NEK11: variants seen among roughly 807,000 people sequenced by gnomAD.
NEK11 encodes the protein serine/threonine-protein kinase Nek11.
In NEK11, 72 loss-of-function variants were observed where a neutral mutation model predicts 80.7. That is an observed-to-expected ratio of 0.89 (90% CI 0.74 to 1.08). The LOEUF is 1.08. Among genes scored for constraint, NEK11 ranks in the 50% least tolerant of loss-of-function variants. NEK11 has a pLI of 0.00. For missense variants in NEK11, 764 were observed against 763.6 expected (o/e 1.00, Z -0.01); for synonymous variants, 251 against 260.7 (o/e 0.96, Z 0.36).
chr3:131,157,461 C>T (rs968662593), intron 10 of NEK11, among the ~76,000 whole-genome samples: 9 of 152,016 alleles, frequency 5.9e-5, no homozygotes, highest in Non-Finnish European at 1.2e-4. Context: ...TTAATCTGTG[C>T]GATTAACCAC....
Position 131,250,538 on chromosome 3 carries a change from G to A in NEK11, c.1621+7042G>A, listed in dbSNP as rs7611022. On this transcript the variant is annotated intron_variant, in intron 16 of 17. Transcript: ENST00000383366. The stretch of plus-strand genomic sequence containing the variant: ...CTTAGGAAGTTCCTAGAGGATATGC[G>A]TCATCAAACCTAAGAGTCAATCAAG... Among the ~76,000 whole-genome samples, 1,274 of 152,046 alleles carry A rather than the reference G, an allele frequency of 8.4e-3. 16 individuals carry two copies. The highest frequency in any genetic ancestry group is 0.025 in the African/African-American group (1,037 of 41,486).
chr3:131,221,194 G>A (rs532838090), intron 14 of NEK11, among the ~76,000 whole-genome samples: 44 of 152,144 alleles, frequency 2.9e-4, no homozygotes, highest in Non-Finnish European at 5.4e-4. Context: ...GGATACCATG[G>A]TAAGCAGGAT....
At chr3:131,140,655 G>T (rs188263219) in intron 7 of NEK11, among the ~76,000 whole-genome samples, 3 of 152,240 alleles carry the variant, frequency 2.0e-5, no homozygotes, top group Admixed American at 6.5e-5. Context: ...ATGACAATCT[G>T]GCAGTGTTTG....
intron 7 of NEK11, among the ~76,000 whole-genome samples, chr3:131,136,455 A>C (rs915407485): frequency 6.6e-6 from 1 of 152,074 alleles, no homozygotes; most frequent in South Asian, 2.1e-4. Flanking sequence ...ATTTTTTTTT[A>C]GGATTAGAAA....
chr3:131,323,508 CCT>C (rs1369333982), intron 17 of NEK11, among the ~76,000 whole-genome samples: 2 of 152,222 alleles, frequency 1.3e-5, no homozygotes, highest in Admixed American at 6.5e-5. Flanking sequence ...CCCCCATCTT[CCT>C]CTCTTTCTGG....
At chr3:131,289,257 A>G (rs1372451584) in intron 17 of NEK11, among the ~76,000 whole-genome samples, 1 of 152,110 alleles carries the variant, frequency 6.6e-6, no homozygotes, top group Non-Finnish European at 1.5e-5. Context: ...TTCTTCTTAT[A>G]AGGACACCAG....
intron 7 of NEK11, among the ~76,000 whole-genome samples, chr3:131,146,396 C>A (rs977037769): frequency 4.6e-5 from 7 of 152,032 alleles, no homozygotes; most frequent in African/African-American, 1.7e-4. Flanking sequence ...TGACATGGTA[C>A]CTTTCTGGGC....
chr3:131,172,525 T>C (rs949850085), intron 14 of NEK11, among the ~76,000 whole-genome samples: 2 of 152,250 alleles, frequency 1.3e-5, no homozygotes, highest in African/African-American at 4.8e-5. Context: ...AGCCATCTTG[T>C]AACAGACATT....
intron 4 of NEK11, among the ~76,000 whole-genome samples, chr3:131,094,756 A>T (rs2077198875): frequency 6.6e-6 from 1 of 152,130 alleles, no homozygotes; most frequent in Non-Finnish European, 1.5e-5. Flanking sequence ...TATTCAAATG[A>T]TCCAGCAGGT....
At chr3:131,162,339 A>C in intron 10 of NEK11, 69 bp from the exon 11 acceptor site, 14 of 1,565,446 alleles carry the variant, frequency 8.9e-6, no homozygotes, top group Non-Finnish European at 1.2e-5. Context: ...TACTTTTATA[A>C]AATATTTGTT....
intron 14 of NEK11, among the ~76,000 whole-genome samples, chr3:131,206,111 C>T (rs1333847875): frequency 6.6e-6 from 1 of 152,150 alleles, no homozygotes; most frequent in African/African-American, 2.4e-5. Context: ...AAGCCTTGTA[C>T]AGGCACCACA....
chr3:131,131,692 T>C (rs1294297227), intron 5 of NEK11, among the ~76,000 whole-genome samples: 1 of 152,090 alleles, frequency 6.6e-6, no homozygotes, highest in East Asian at 1.9e-4. Flanking sequence ...ATATTCTCTA[T>C]TGGTTTCTTG....
chr3:131,095,282 T>A (rs1043034644), intron 4 of NEK11, among the ~76,000 whole-genome samples: 9 of 152,122 alleles, frequency 5.9e-5, no homozygotes, highest in African/African-American at 2.2e-4. Context: ...TTCTAGAAAT[T>A]CTTATCTAAT....
intron 3 of NEK11, among the ~76,000 whole-genome samples, chr3:131,031,837 A>C (rs2064900117): frequency 6.6e-6 from 1 of 152,244 alleles, no homozygotes; most frequent in African/African-American, 2.4e-5. Context: ...CAGAAGGTCT[A>C]GTCCACAATC....
At chr3:131,312,130 G>A (rs2096788167) in intron 17 of NEK11, among the ~76,000 whole-genome samples, 2 of 152,224 alleles carry the variant, frequency 1.3e-5, no homozygotes, top group South Asian at 4.1e-4. Context: ...GGAGTTGGAT[G>A]AGGATGTGTC....
chr3:131,208,480 G>GT (rs2094510682), intron 14 of NEK11, among the ~76,000 whole-genome samples: 3 of 152,268 alleles, frequency 2.0e-5, no homozygotes, highest in South Asian at 2.1e-4. Context: ...CTTTAAAATA[G>GT]TTTTTTCCAA....
intron 7 of NEK11, among the ~76,000 whole-genome samples, chr3:131,150,699 T>C (rs1022757691): frequency 3.9e-5 from 6 of 152,062 alleles, no homozygotes; most frequent in African/African-American, 1.4e-4. Flanking sequence ...TCATGAATTT[T>C]TATTCTACAT....
intron 17 of NEK11, among the ~76,000 whole-genome samples, chr3:131,340,635 G>A (rs990705432): frequency 6.6e-6 from 1 of 152,104 alleles, no homozygotes; most frequent in Non-Finnish European, 1.5e-5. Context: ...AGCCAAACAC[G>A]TATTCGGGAT....
At chr3:131,346,791 TAG>T (rs955676761) in intron 17 of NEK11, among the ~76,000 whole-genome samples, 7 of 151,824 alleles carry the variant, frequency 4.6e-5, no homozygotes, top group Non-Finnish European at 7.4e-5. Flanking sequence ...AGGGGGTGAT[TAG>T]AGAGTAGGAG....
Sources: gnomAD v4.1 joint callset for allele counts (sites outside exome capture counted in the v4.1 genomes callset) on GRCh38, gnomAD v4.1.1 for gene constraint, MANE v1.5 for transcripts, NCBI Gene and HGNC (gene_info 2026-07-23, HGNC 2026-07-21) for gene names.